The following CSMD1 variants were observed in gnomAD, a reference collection of about 807,000 sequenced individuals.
CSMD1 encodes the protein CUB and Sushi multiple domains 1, also known as CUB and sushi domain-containing protein 1.
CSMD1 carries 213 observed loss-of-function variants against 417.5 expected under a neutral mutation model. The observed-to-expected ratio is 0.51, with a 90% CI of 0.46 to 0.57. The LOEUF (loss-of-function observed/expected upper bound fraction) is 0.57. CSMD1 is among the 20% of genes least tolerant of loss of function. The pLI, the probability that CSMD1 is intolerant of heterozygous loss-of-function variation, is 0.00. For synonymous variants in CSMD1, 2,862 were observed against 1,736.8 expected (o/e 1.65, Z -16.11); for missense variants, 6,923 against 4,529.7 (o/e 1.53, Z -15.17).
At chr8:4,246,022 T>G (rs1197083634) in intron 3 of CSMD1, among the ~76,000 whole-genome samples, 1 of 152,194 alleles carries the variant, frequency 6.6e-6, no homozygotes, top group Non-Finnish European at 1.5e-5. Flanking sequence ...TATTTGTTGT[T>G]GTTGTTTGAT....
intron 1 of CSMD1, chr8:4,788,008 A>T: frequency 1.3e-6 from 2 of 1,591,028 alleles, no homozygotes; most frequent in Non-Finnish European, 1.7e-6. Flanking sequence ...TGTTATCGGG[A>T]TCTCAAAGAA....
At chr8:4,757,324 C>T (rs1811729311) in intron 1 of CSMD1, among the ~76,000 whole-genome samples, 1 of 152,156 alleles carries the variant, frequency 6.6e-6, no homozygotes, top group Non-Finnish European at 1.5e-5. Context: ...GCTATCATGT[C>T]TTGAATTTCT....
intron 7 of CSMD1, among the ~76,000 whole-genome samples, chr8:3,649,885 A>G (rs1797760028): frequency 6.6e-6 from 1 of 152,138 alleles, no homozygotes; most frequent in Admixed American, 6.5e-5. Context: ...CATTTTTTTG[A>G]ATACTATCTA....
At chr8:2,962,366 A>G in intron 61 of CSMD1, 100 bp downstream of exon 61, 1 of 1,081,478 alleles carries the variant, frequency 9.2e-7, no homozygotes, top group Non-Finnish European at 1.3e-6. Flanking sequence ...CTGTCTATGG[A>G]AACACTTTCT....
intron 10 of CSMD1, among the ~76,000 whole-genome samples, chr8:3,542,115 G>A (rs1272145553): frequency 6.6e-6 from 1 of 152,126 alleles, no homozygotes; most frequent in Non-Finnish European, 1.5e-5. Flanking sequence ...ATTCAACAGA[G>A]ACTCTTTTAT....
intron 17 of CSMD1, among the ~76,000 whole-genome samples, chr8:3,389,412 C>G (rs1292001541): frequency 6.6e-6 from 1 of 152,068 alleles, no homozygotes. Flanking sequence ...ATAATGACAT[C>G]CAGCTCCTAG....
intron 10 of CSMD1, among the ~76,000 whole-genome samples, chr8:3,498,626 C>G (rs1476219284): frequency 1.3e-5 from 2 of 152,166 alleles, no homozygotes; most frequent in East Asian, 3.9e-4. Context: ...TTCTAGAACT[C>G]CCATAATGGG....
chr8:4,397,881 T>G (rs771916826), intron 3 of CSMD1, among the ~76,000 whole-genome samples: 1 of 152,158 alleles, frequency 6.6e-6, no homozygotes, highest in Non-Finnish European at 1.5e-5. Context: ...TTTCTTCCAA[T>G]GTTCTAATGG....
chr8:3,715,686 G>C (rs1483537141), intron 6 of CSMD1, among the ~76,000 whole-genome samples: 2 of 152,070 alleles, frequency 1.3e-5, no homozygotes, highest in Non-Finnish European at 2.9e-5. Flanking sequence ...GGGATTACAG[G>C]CACCTGCCAC....
intron 1 of CSMD1, among the ~76,000 whole-genome samples, chr8:4,659,801 T>C (rs1468543530): frequency 6.6e-6 from 1 of 152,166 alleles, no homozygotes; most frequent in Non-Finnish European, 1.5e-5. Flanking sequence ...GTAAATTTCA[T>C]TTTAATAATT....
At chr8:3,599,786 A>G (rs1458024015) in intron 8 of CSMD1, among the ~76,000 whole-genome samples, 1 of 151,940 alleles carries the variant, frequency 6.6e-6, no homozygotes, top group Admixed American at 6.6e-5. Flanking sequence ...GGCATGGGCA[A>G]CTCCCACTTC....
In CSMD1 at chr8:4,726,692, A is replaced by C. The variant is rs527355812; in HGVS notation, c.86-89134T>G. On this transcript the variant is annotated intron_variant, in intron 1 of 69. Transcript: ENST00000635120. ...TGCTCTGCTGCTGTCCTATTTCATCAGTTCTAATTTTATTCATTCTCCTTC... is the reference window on the plus strand; with the variant it reads ...TGCTCTGCTGCTGTCCTATTTCATCCGTTCTAATTTTATTCATTCTCCTTC... Among the ~76,000 whole-genome samples the C allele has an allele frequency of 5.9e-5, 9 of 152,290 alleles. No homozygotes were observed. In the East Asian group the frequency reaches 1.7e-3, roughly 29 times the overall value.
intron 7 of CSMD1, among the ~76,000 whole-genome samples, chr8:3,688,862 G>C (rs981504398): frequency 1.3e-5 from 2 of 152,044 alleles, no homozygotes; most frequent in Admixed American, 6.6e-5. Flanking sequence ...AAAAAGAATA[G>C]AGAGATCAGA....
chr8:4,178,278 ACG>A (rs1286190401), intron 3 of CSMD1, among the ~76,000 whole-genome samples: 24 of 152,132 alleles, frequency 1.6e-4, no homozygotes, highest in Middle Eastern at 3.4e-3. Flanking sequence ...GGTTCAATAT[ACG>A]CAAATCAATA....
rs1584945940 is a variant in CSMD1, at chr8:3,752,787, A to G, written c.931+1143T>C. Among the ~76,000 whole-genome samples the G allele has an allele frequency of 3.3e-5, 5 of 151,892 alleles. No homozygotes were observed. In the South Asian group the frequency reaches 1.0e-3, roughly 32 times the overall value. On this transcript the variant is annotated intron_variant, in intron 6 of 69. Transcript: ENST00000635120. Reference sequence around the variant, plus strand: ...TCATGTGCCCCAGGGACTGGGTGGCAAATAAAGACTGCTGGTTCCGATGTG... The same window carrying G: ...TCATGTGCCCCAGGGACTGGGTGGCGAATAAAGACTGCTGGTTCCGATGTG...
At chr8:3,682,567 A>C (rs1433223744) in intron 7 of CSMD1, among the ~76,000 whole-genome samples, 1 of 152,228 alleles carries the variant, frequency 6.6e-6, no homozygotes, top group African/African-American at 2.4e-5. Flanking sequence ...GATGTGGAGA[A>C]ATAGGAACAC....
chr8:4,983,484 C>A (rs1256413609), intron 1 of CSMD1, among the ~76,000 whole-genome samples: 1 of 152,158 alleles, frequency 6.6e-6, no homozygotes, highest in Non-Finnish European at 1.5e-5. Context: ...GAAGTCCAAA[C>A]AATGTAAACA....
At chr8:4,886,495 A>T (rs1803749344) in intron 1 of CSMD1, among the ~76,000 whole-genome samples, 1 of 151,964 alleles carries the variant, frequency 6.6e-6, no homozygotes, top group Non-Finnish European at 1.5e-5. Flanking sequence ...ATTGGCATCA[A>T]ATTTCTACTG....
intron 2 of CSMD1, among the ~76,000 whole-genome samples, chr8:4,504,591 T>C (rs561772518): frequency 1.3e-5 from 2 of 152,124 alleles, no homozygotes; most frequent in Non-Finnish European, 2.9e-5. Context: ...GTTTTAAGCC[T>C]CGCATGCATT....
Sources: gnomAD v4.1 joint callset for allele counts (sites outside exome capture counted in the v4.1 genomes callset) on GRCh38, gnomAD v4.1.1 for gene constraint, MANE v1.5 for transcripts, NCBI Gene and HGNC (gene_info 2026-07-23, HGNC 2026-07-21) for gene names.